Variants in DAW1 observed in about 807,000 individuals in gnomAD.
DAW1 encodes dynein assembly factor with WD repeat domains 1.
In DAW1, 47 loss-of-function variants were observed where a neutral mutation model predicts 56.5. The ratio of observed to expected loss-of-function variants is 0.83; its 90% CI spans 0.66 to 1.06. The LOEUF is 1.06. Ranked by LOEUF, DAW1 falls within the 50% of genes least tolerant of loss-of-function variation. DAW1 has a pLI of 0.00. For missense variants in DAW1, 505 were observed against 499.3 expected, an observed-to-expected ratio of 1.01 and a Z score of -0.11; for synonymous variants, 190 against 179.0, an observed-to-expected ratio of 1.06 and a Z score of -0.49.
intron 2 of DAW1, among the ~76,000 whole-genome samples, chr2:227,888,288 A>T (rs986017515): frequency 2.0e-5 from 3 of 152,134 alleles, no homozygotes; most frequent in African/African-American, 7.2e-5. Context: ...GAAGAGGGGG[A>T]TACTTATCAG....
At chr2:227,896,282 T>G (rs963329739) in intron 5 of DAW1, among the ~76,000 whole-genome samples, 7 of 152,196 alleles carry the variant, frequency 4.6e-5, no homozygotes, top group African/African-American at 9.7e-5. Context: ...AATTCCTACT[T>G]TCACTGCAAT....
chr2:227,892,815 T>A (rs1446567057), intron 4 of DAW1, among the ~76,000 whole-genome samples: 1 of 152,188 alleles, frequency 6.6e-6, no homozygotes, highest in Non-Finnish European at 1.5e-5. Context: ...TTTGTTATAC[T>A]TTTGAAGCAA....
At chr2:227,918,473 T>C (rs187776025) in intron 10 of DAW1, among the ~76,000 whole-genome samples, 2 of 152,290 alleles carry the variant, frequency 1.3e-5, no homozygotes, top group East Asian at 3.9e-4. Flanking sequence ...AAACTTGCTC[T>C]AATTCCTCTT....
chr2:227,889,966 G>T lies in DAW1; in HGVS notation c.224G>T (p.Gly75Val), dbSNP rs373453236. Residue 75 changes from glycine (G) to valine (V), a missense_variant, in exon 3 of 13, where the codon GGC becomes GTC. Transcript: ENST00000309931. ...LLIQRLQEKL[G>V]QNSNHTFYLF... ...ATACAGAGGTTGCAAGAGAAACTCG[G>T]CCAGAACAGCAATCACACGTTCTAT... 6.3e-6 allele frequency: 10 copies of T among 1,599,526 alleles called. No individual in the cohort carries two copies. The highest frequency in any genetic ancestry group is 8.5e-6 in the Non-Finnish European group (10 of 1,174,490).
chr2:227,880,854 T>C lies in DAW1; in HGVS notation c.41-4497T>C, dbSNP rs545604683. On this transcript the variant is annotated intron_variant, in intron 1 of 12. Transcript: ENST00000309931. The stretch of plus-strand genomic sequence containing the variant: ...CTCTTTGAGGTGATAGGGAGACATC[T>C]ATGTATCTGGAACTCAGAGGAGATA... Among the ~76,000 whole-genome samples, 7 of 152,312 alleles carry C rather than the reference T, an allele frequency of 4.6e-5. No homozygotes were observed. The South Asian group carries it at 1.2e-3, about 27-fold the overall frequency.
intron 1 of DAW1, among the ~76,000 whole-genome samples, chr2:227,877,564 C>A (rs749523516): frequency 6.6e-6 from 1 of 152,342 alleles, no homozygotes; most frequent in Non-Finnish European, 1.5e-5. Context: ...TGTTACACAA[C>A]CTTTTTGGCA....
At chr2:227,915,749 G>T (rs1311209480) in intron 10 of DAW1, among the ~76,000 whole-genome samples, 1 of 151,948 alleles carries the variant, frequency 6.6e-6, no homozygotes, top group East Asian at 1.9e-4. Flanking sequence ...AAATATAATT[G>T]TCTCTGTCAG....
chr2:227,906,162 C>T, intron 8 of DAW1, 74 bp from the exon 9 acceptor site: 5 of 1,183,356 alleles, frequency 4.2e-6, no homozygotes, highest in Non-Finnish European at 6.1e-6. Flanking sequence ...CACAGATGGG[C>T]TTGGCCTCAT....
intron 10 of DAW1, among the ~76,000 whole-genome samples, chr2:227,916,516 A>G (rs1378997426): frequency 6.6e-6 from 1 of 152,114 alleles, no homozygotes. Flanking sequence ...CTACTTGAAA[A>G]CCAAGTATGA....
rs1384654386 is a variant in DAW1, at chr2:227,871,676, A to G, written c.-14A>G. 1.4e-5 allele frequency: 22 copies of G among 1,613,180 alleles called. No homozygotes were observed. The highest frequency in any genetic ancestry group is 3.3e-5 in the Admixed American group (2 of 59,872). On this transcript the variant is annotated 5_prime_UTR_variant, in exon 1 of 13. It adds an upstream start codon to the 5' untranslated region. Coordinates refer to ENST00000309931, the MANE Select transcript of DAW1 (RefSeq NM_178821.3). The stretch of plus-strand genomic sequence containing the variant: ...GCTACGAAGCCCATCGGCCGGGGAT[A>G]AGAGAGCAAGAAAATGAAGCTCAAG...
rs556409280 is a variant in DAW1, at chr2:227,921,305, C to CTTTTTTTTTTTTTTTTT, written c.1051-82_1051-66dup. The CTTTTTTTTTTTTTTTTT allele has an allele frequency of 1.8e-5, 8 of 433,766 alleles. 1 individual carries two copies. In the African/African-American group the frequency reaches 3.5e-4, roughly 19 times the overall value. 26.9% of individuals were successfully genotyped at this position (433,766 alleles called of 1,614,324 possible). ...GGAAGGTGACATGTGCTGTAATGTC[C>CTTTTTTTTTTTTTTTTT]TTTTTTTTTTTTTTTTTTTTTTTTT... On this transcript the variant is annotated intron_variant, in intron 11 of 12. Coordinates refer to ENST00000309931, the MANE Select transcript of DAW1 (RefSeq NM_178821.3).
At chr2:227,902,806 G>T (rs1285299435) in intron 6 of DAW1, among the ~76,000 whole-genome samples, 196 bp from the exon 7 acceptor site, 1 of 152,176 alleles carries the variant, frequency 6.6e-6, no homozygotes, top group Non-Finnish European at 1.5e-5. Flanking sequence ...GGTGCTGTGG[G>T]AGAACAAGCA....
At chr2:227,895,805 A>G (rs1487898484) in intron 5 of DAW1, among the ~76,000 whole-genome samples, 1 of 152,202 alleles carries the variant, frequency 6.6e-6, no homozygotes, top group Non-Finnish European at 1.5e-5. Context: ...TGATGTTTTA[A>G]ATAGAAGGAT....
chr2:227,872,254 C>T (rs1690769219), intron 1 of DAW1: 1 of 118,772 alleles, frequency 8.4e-6, no homozygotes, highest in Non-Finnish European at 1.6e-5. Flanking sequence ...CAGAACTCGT[C>T]TTCTGAATTA....
intron 2 of DAW1, 78 bp from the exon 3 acceptor site, chr2:227,889,778 A>T: frequency 8.2e-7 from 1 of 1,217,774 alleles, no homozygotes; most frequent in Non-Finnish European, 1.1e-6. Context: ...GAAGCAATAC[A>T]ATCAATTCTT....
chr2:227,872,987 T>C (rs1690792643), intron 1 of DAW1, among the ~76,000 whole-genome samples: 1 of 152,184 alleles, frequency 6.6e-6, no homozygotes, highest in African/African-American at 2.4e-5. Flanking sequence ...ATGCTTAGAA[T>C]ACGATCCGCA....
At chr2:227,921,305 C>CTTTTTTTTTTTTTTTTTTTTT (rs556409280) in intron 11 of DAW1, 94 bp from the exon 12 acceptor site, 1 of 433,810 alleles carries the variant, frequency 2.3e-6, no homozygotes, top group African/African-American at 4.3e-5. Flanking sequence ...CTGTAATGTC[C>CTTTTTTTTTTTTTTTTTTTTT]TTTTTTTTTT....
chr2:227,913,707 T>C (rs980850753), intron 10 of DAW1, among the ~76,000 whole-genome samples: 1 of 152,164 alleles, frequency 6.6e-6, no homozygotes, highest in African/African-American at 2.4e-5. Context: ...TGTATGGTTC[T>C]AAAATCAATC....
At chr2:227,905,698 A>G (rs1691660428) in intron 8 of DAW1, among the ~76,000 whole-genome samples, 1 of 152,232 alleles carries the variant, frequency 6.6e-6, no homozygotes, top group South Asian at 2.1e-4. Flanking sequence ...TGCCTTAAGT[A>G]GCATTATTTT....
Sources: gnomAD v4.1 joint callset for allele counts (sites outside exome capture counted in the v4.1 genomes callset) on GRCh38, gnomAD v4.1.1 for gene constraint, MANE v1.5 for transcripts, NCBI Gene and HGNC (gene_info 2026-07-23, HGNC 2026-07-21) for gene names.